Variants in ADAMTS12 observed in about 807,000 individuals in gnomAD.
The protein encoded by ADAMTS12 is ADAM metallopeptidase with thrombospondin type 1 motif 12.
A neutral mutation model predicts 167.8 loss-of-function variants in ADAMTS12; 118 were observed. The ratio of observed to expected loss-of-function variants is 0.70; its 90% confidence interval spans 0.61 to 0.82. ADAMTS12 has a LOEUF of 0.82. ADAMTS12 is among the 40% of genes least tolerant of loss of function. The pLI, the probability that ADAMTS12 is intolerant of heterozygous loss-of-function variation, is 0.00. For missense variants in ADAMTS12, 1,916 were observed against 1,998.8 expected, an observed-to-expected ratio of 0.96 and a Z score of 0.79; for synonymous variants, 704 against 716.9, an observed-to-expected ratio of 0.98 and a Z score of 0.29.
In ADAMTS12 at chr5:33,586,787, A is replaced by T. The variant is rs561451601; in HGVS notation, c.2865+1812T>A. On this transcript the variant is annotated intron_variant, in intron 18 of 23. Transcript: ENST00000504830. ...TGTAATTCACAGAAACCTAGGTTGCAGTGGACTAATAAGGCAGGCCAACCA... is the reference window on the plus strand; with the variant it reads ...TGTAATTCACAGAAACCTAGGTTGCTGTGGACTAATAAGGCAGGCCAACCA... 5.9e-5 allele frequency among the ~76,000 whole-genome samples: 9 copies of T among 152,356 alleles called. No homozygotes were observed. In the South Asian group the frequency reaches 1.7e-3, roughly 28 times the overall value.
intron 2 of ADAMTS12, among the ~76,000 whole-genome samples, chr5:33,812,522 T>G (rs912000035): frequency 1.3e-5 from 2 of 152,254 alleles, no homozygotes; most frequent in Non-Finnish European, 2.9e-5. Context: ...ACACACCTCT[T>G]GGTCATCACC....
chr5:33,586,819 G>A (rs754937463), intron 18 of ADAMTS12, among the ~76,000 whole-genome samples: 4 of 152,132 alleles, frequency 2.6e-5, no homozygotes, highest in East Asian at 1.9e-4. Flanking sequence ...ACCAAATGCC[G>A]TGATTATACT....
intron 5 of ADAMTS12, among the ~76,000 whole-genome samples, chr5:33,671,776 A>G (rs1166829155): frequency 2.0e-5 from 3 of 151,332 alleles, no homozygotes; most frequent in South Asian, 2.1e-4. Context: ...CCACATACAT[A>G]CACACACAAC....
intron 2 of ADAMTS12, among the ~76,000 whole-genome samples, chr5:33,866,382 C>T (rs572461310): frequency 2.0e-5 from 3 of 152,166 alleles, no homozygotes; most frequent in African/African-American, 7.2e-5. Flanking sequence ...GCTGGGAAAA[C>T]TCTAGAGCCA....
At position 33,616,078 on chromosome 5, in the gene ADAMTS12, G is replaced by A. The variant is rs752141884; in HGVS notation, c.2144-6C>T. On this transcript the variant is annotated splice_polypyrimidine_tract_variant and splice_region_variant and intron_variant, in intron 14 of 23. Coordinates refer to ENST00000504830, the MANE Select transcript of ADAMTS12 (RefSeq NM_030955.4). ...GAGCCCAATGTCAACATAACCTAAA[G>A]AGAGAAGACACAATCATGAAAGAGG... 17 of 1,613,160 alleles carry A rather than the reference G, an allele frequency of 1.1e-5. No individual in the cohort carries two copies. The highest frequency in any genetic ancestry group is 1.3e-5 in the African/African-American group (1 of 74,866).
At chr5:33,679,000 A>T (rs927460546) in intron 5 of ADAMTS12, among the ~76,000 whole-genome samples, 44 of 152,298 alleles carry the variant, frequency 2.9e-4, no homozygotes, top group African/African-American at 1.1e-3. Flanking sequence ...GTGCATCGAG[A>T]TTTCTGGCCT....
intron 2 of ADAMTS12, among the ~76,000 whole-genome samples, chr5:33,871,355 C>A (rs986533637): frequency 4.6e-5 from 7 of 152,010 alleles, no homozygotes; most frequent in African/African-American, 1.7e-4. Context: ...TTTTATAAAG[C>A]TAATATTACC....
chr5:33,872,833 T>A (rs1750090487), intron 2 of ADAMTS12, among the ~76,000 whole-genome samples: 1 of 152,082 alleles, frequency 6.6e-6, no homozygotes, highest in Admixed American at 6.5e-5. Context: ...ACTGACAGGC[T>A]AAAGAAAAAA....
intron 20 of ADAMTS12, 139 bp downstream of exon 20, chr5:33,560,888 G>A (rs1043695526): frequency 3.1e-5 from 35 of 1,143,304 alleles, no homozygotes; most frequent in Non-Finnish European, 4.2e-5. Flanking sequence ...CCTGAACGTT[G>A]TGCACATGTA....
intron 2 of ADAMTS12, among the ~76,000 whole-genome samples, chr5:33,788,441 G>C: frequency 6.6e-6 from 1 of 152,076 alleles, no homozygotes; most frequent in African/African-American, 2.4e-5. Flanking sequence ...GGAGGAGATG[G>C]GAAGAGAGAG....
intron 3 of ADAMTS12, chr5:33,751,126 A>G: frequency 2.0e-6 from 1 of 496,984 alleles, no homozygotes; most frequent in Non-Finnish European, 3.5e-6. Context: ...ATGTCTTATG[A>G]GCATCATCAA....
chr5:33,546,005 TA>T (rs1439868918), intron 22 of ADAMTS12, 53 bp downstream of exon 22: 3 of 1,473,260 alleles, frequency 2.0e-6, no homozygotes, highest in Admixed American at 4.7e-5. Context: ...GAACTTAAAG[TA>T]TTAAAAAAAA....
At position 33,560,790 on chromosome 5, in the gene ADAMTS12, G is replaced by A. The variant is rs541700890; in HGVS notation, c.4125+237C>T. ...TGTTGTGGGGTGGGGGGAGGGGGGA[G>A]GGATAGCATTAGGAGATATACCTAA... On this transcript the variant is annotated intron_variant, in intron 20 of 23. Transcript: ENST00000504830. Among the ~76,000 whole-genome samples the A allele has an allele frequency of 2.5e-5, 3 of 118,516 alleles. No individual in the cohort carries two copies. In the East Asian group the frequency reaches 8.7e-4, roughly 35 times the overall value. 77.8% of individuals were successfully genotyped at this position (118,516 alleles called of 152,430 possible).
At chr5:33,604,064 C>G (rs914291245) in intron 16 of ADAMTS12, among the ~76,000 whole-genome samples, 1 of 152,084 alleles carries the variant, frequency 6.6e-6, no homozygotes, top group Non-Finnish European at 1.5e-5. Context: ...TAAACTGTAA[C>G]CAAGGAACGC....
intron 11 of ADAMTS12, among the ~76,000 whole-genome samples, chr5:33,639,478 G>A (rs940353847): frequency 4.6e-5 from 7 of 152,298 alleles, no homozygotes; most frequent in Middle Eastern, 3.4e-3. Flanking sequence ...AAGGATTTAC[G>A]GAAGGGCTTG....
chr5:33,886,756 T>C (rs1337327012), intron 1 of ADAMTS12, among the ~76,000 whole-genome samples: 2 of 152,034 alleles, frequency 1.3e-5, no homozygotes, highest in Non-Finnish European at 2.9e-5. Flanking sequence ...TGGCAGCCCA[T>C]AGGTGTGGAT....
intron 18 of ADAMTS12, among the ~76,000 whole-genome samples, chr5:33,582,755 T>A (rs1747132766): frequency 1.3e-5 from 2 of 152,224 alleles, no homozygotes; most frequent in African/African-American, 2.4e-5. Context: ...TCATGTCCCA[T>A]CAAATATATT....
chr5:33,540,064 C>T (rs959397255), intron 22 of ADAMTS12, among the ~76,000 whole-genome samples: 2 of 152,228 alleles, frequency 1.3e-5, no homozygotes, highest in Non-Finnish European at 2.9e-5. Flanking sequence ...CAAGGGAAGC[C>T]ATGACAGACT....
intron 13 of ADAMTS12, among the ~76,000 whole-genome samples, chr5:33,629,297 C>G (rs763658844): frequency 1.3e-5 from 2 of 152,166 alleles, no homozygotes; most frequent in East Asian, 1.9e-4. Context: ...TGAAACTTCT[C>G]AGAGTGCTGA....
Sources: allele counts gnomAD v4.1 joint callset (sites outside exome capture counted in the v4.1 genomes callset), GRCh38; gene constraint gnomAD v4.1.1; transcripts MANE v1.5; gene names NCBI Gene and HGNC (gene_info 2026-07-23, HGNC 2026-07-21).